Variants in ADCYAP1R1 observed in about 807,000 individuals in gnomAD.
The protein encoded by ADCYAP1R1 is pituitary adenylate cyclase-activating polypeptide type I receptor.
A neutral mutation model predicts 67.6 loss-of-function variants in ADCYAP1R1; 44 were observed. The observed-to-expected ratio is 0.65, with a 90% CI of 0.51 to 0.84. The LOEUF (loss-of-function observed/expected upper bound fraction) is 0.84, where lower values mean the gene tolerates loss of function less well. Ranked by LOEUF, ADCYAP1R1 falls within the 40% of genes least tolerant of loss-of-function variation. The pLI is 0.00. For synonymous variants in ADCYAP1R1, 222 were observed against 219.6 expected, an observed-to-expected ratio of 1.01 and a Z score of -0.10; for missense variants, 477 against 587.9, an observed-to-expected ratio of 0.81 and a Z score of 1.95.
intron 13 of ADCYAP1R1, among the ~76,000 whole-genome samples, chr7:31,101,226 C>T (rs1796421694): frequency 6.6e-6 from 1 of 152,162 alleles, no homozygotes; most frequent in Non-Finnish European, 1.5e-5. Flanking sequence ...TGTGGGATGC[C>T]CTCACTACCA....
intron 1 of ADCYAP1R1, among the ~76,000 whole-genome samples, chr7:31,053,240 G>A (rs1433518957): frequency 6.6e-6 from 1 of 152,212 alleles, no homozygotes; most frequent in African/African-American, 2.4e-5. Context: ...TGACACATCC[G>A]GGATTGTTCA....
chr7:31,099,902 G>A (rs887893168), intron 13 of ADCYAP1R1, among the ~76,000 whole-genome samples: 2 of 152,174 alleles, frequency 1.3e-5, no homozygotes, highest in African/African-American at 4.8e-5. Context: ...GTGAGTGTTC[G>A]TGCGTGTGTG....
At chr7:31,060,821 T>C (rs1006328962) in intron 1 of ADCYAP1R1, among the ~76,000 whole-genome samples, 2 of 152,210 alleles carry the variant, frequency 1.3e-5, no homozygotes, top group Non-Finnish European at 2.9e-5. Context: ...CTGTTCAAAC[T>C]CCTAGTTCCT....
At chr7:31,060,348 C>T (rs1794445943) in intron 1 of ADCYAP1R1, among the ~76,000 whole-genome samples, 5 of 152,316 alleles carry the variant, frequency 3.3e-5, no homozygotes, top group Middle Eastern at 3.4e-3. Context: ...TGTGTGTAAG[C>T]GTGAATTGTT....
intron 1 of ADCYAP1R1, among the ~76,000 whole-genome samples, chr7:31,058,878 G>T (rs551573065): frequency 6.6e-6 from 1 of 152,172 alleles, no homozygotes; most frequent in African/African-American, 2.4e-5. Flanking sequence ...CCAGGGACTT[G>T]CTGTGTGATT....
At chr7:31,056,631 C>T (rs908725855) in intron 1 of ADCYAP1R1, among the ~76,000 whole-genome samples, 1 of 152,120 alleles carries the variant, frequency 6.6e-6, no homozygotes, top group South Asian at 2.1e-4. Flanking sequence ...TCAGCTTAGT[C>T]CCCCATCACC....
chr7:31,078,931 G>A (rs1406918964), intron 4 of ADCYAP1R1, among the ~76,000 whole-genome samples: 2 of 152,194 alleles, frequency 1.3e-5, no homozygotes, highest in African/African-American at 4.8e-5. Flanking sequence ...CTGGGTTTGG[G>A]GCATATCTGT....
intron 3 of ADCYAP1R1, among the ~76,000 whole-genome samples, chr7:31,073,081 G>C (rs1313941879): frequency 6.6e-6 from 1 of 152,198 alleles, no homozygotes; most frequent in African/African-American, 2.4e-5. Context: ...TCAGACTTCT[G>C]ACCTGCAGGA....
At chr7:31,063,982 C>G (rs1794623964) in intron 2 of ADCYAP1R1, among the ~76,000 whole-genome samples, 1 of 152,238 alleles carries the variant, frequency 6.6e-6, no homozygotes, top group Non-Finnish European at 1.5e-5. Context: ...CTGACATCCC[C>G]CTGGGAACCA....
Position 31,084,127 on chromosome 7 carries a change from T to A in ADCYAP1R1, c.329-14T>A. 6.2e-7 allele frequency: 1 copy of A among 1,612,932 alleles called. No homozygotes were observed. The highest frequency in any genetic ancestry group is 8.5e-7 in the Non-Finnish European group (1 of 1,178,994). On this transcript the variant is annotated splice_polypyrimidine_tract_variant and intron_variant, in intron 6 of 15. Coordinates refer to ENST00000304166, the MANE Select transcript of ADCYAP1R1 (RefSeq NM_001118.5). ...ATCATTTCTGGGCCTCGCTGAGTTT[T>A]CTTTTTGCTGCAGACATGGGAGTGG...
chr7:31,082,604 G>A (rs1584512088), intron 6 of ADCYAP1R1, among the ~76,000 whole-genome samples: 1 of 152,206 alleles, frequency 6.6e-6, no homozygotes, highest in African/African-American at 2.4e-5. Flanking sequence ...ACTTGGCCAC[G>A]GTGGTGATTT....
At chr7:31,058,765 C>T (rs1023086756) in intron 1 of ADCYAP1R1, among the ~76,000 whole-genome samples, 1 of 152,174 alleles carries the variant, frequency 6.6e-6, no homozygotes, top group Non-Finnish European at 1.5e-5. Flanking sequence ...CCAGTGGACT[C>T]TGAACTGATC....
At chr7:31,097,593 A>G (rs1796251142) in intron 13 of ADCYAP1R1, among the ~76,000 whole-genome samples, 1 of 152,110 alleles carries the variant, frequency 6.6e-6, no homozygotes, top group South Asian at 2.1e-4. Flanking sequence ...CAACTTTACC[A>G]GGTGCAGGGT....
chr7:31,105,579 A>G (rs1340434106), intron 15 of ADCYAP1R1, among the ~76,000 whole-genome samples: 1 of 152,178 alleles, frequency 6.6e-6, no homozygotes, highest in Non-Finnish European at 1.5e-5. Flanking sequence ...TGGATTTGAG[A>G]GTAGGCGGGA....
intron 13 of ADCYAP1R1, among the ~76,000 whole-genome samples, chr7:31,093,798 G>C (rs1287161939): frequency 6.6e-6 from 1 of 152,082 alleles, no homozygotes; most frequent in East Asian, 1.9e-4. Context: ...AGATGCTGGG[G>C]TCACAGCATC....
intron 3 of ADCYAP1R1, among the ~76,000 whole-genome samples, chr7:31,066,984 A>G (rs191832247): frequency 6.6e-5 from 10 of 152,234 alleles, no homozygotes; most frequent in Admixed American, 3.9e-4. Flanking sequence ...GATATTGTGT[A>G]TTTCATGTCA....
intron 14 of ADCYAP1R1, among the ~76,000 whole-genome samples, chr7:31,104,649 G>GT (rs1796566905): frequency 6.6e-6 from 1 of 152,134 alleles, no homozygotes; most frequent in Admixed American, 6.5e-5. Context: ...AAGCTAGAAT[G>GT]TATCTGTGGG....
At position 31,084,921 on chromosome 7, in the gene ADCYAP1R1, G is replaced by A. The variant is rs1795674093; in HGVS notation, c.536+87G>A. 4 of 1,261,408 alleles carry A rather than the reference G, an allele frequency of 3.2e-6. No individual in the cohort carries two copies. In the African/African-American group the frequency reaches 4.4e-5, roughly 14 times the overall value. 78.1% of individuals were successfully genotyped at this position (1,261,408 alleles called of 1,614,324 possible). On this transcript the variant is annotated intron_variant, in intron 8 of 15. Transcript: ENST00000304166. ...TGCATCTCTCCCCTCCCCCCTTGAT[G>A]TCAGCCCTAGAAGACCCCTTTGAAG...
chr7:31,097,817 G>C (rs564260676), intron 13 of ADCYAP1R1, among the ~76,000 whole-genome samples: 48 of 152,238 alleles, frequency 3.2e-4, no homozygotes, highest in African/African-American at 9.2e-4. Flanking sequence ...ATACAGTTGG[G>C]GGGGGGTCTC....
Sources: allele counts gnomAD v4.1 joint callset (sites outside exome capture counted in the v4.1 genomes callset), GRCh38; gene constraint gnomAD v4.1.1; transcripts MANE v1.5; gene names NCBI Gene and HGNC (gene_info 2026-07-23, HGNC 2026-07-21).